RICTOR: variants seen among roughly 807,000 people sequenced by gnomAD.
RICTOR encodes rapamycin-insensitive companion of mTOR.
Under a neutral mutation model 214.9 loss-of-function variants are expected in RICTOR, and 49 were observed. The observed-to-expected ratio is 0.23, with a 90% CI of 0.18 to 0.29. The LOEUF is 0.29. Ranked by LOEUF, RICTOR falls within the 10% of genes least tolerant of loss-of-function variation. RICTOR has a pLI of 1.00. For missense variants in RICTOR, 1,625 were observed against 2,047.0 expected (o/e 0.79, Z 3.98); for synonymous variants, 717 against 711.3 (o/e 1.01, Z -0.13).
In RICTOR at chr5:38,995,893, G is replaced by A. The variant is rs187566461; in HGVS notation, c.456+926C>T. 1.7e-3 allele frequency among the ~76,000 whole-genome samples: 266 copies of A among 152,118 alleles called. 1 individual carries two copies. The highest frequency in any genetic ancestry group is 6.0e-3 in the African/African-American group (251 of 41,512). On this transcript the variant is annotated intron_variant, in intron 6 of 37. Transcript: ENST00000357387. ...TCTATTTCCGGTATCATTCTTAGTC[G>A]AATTTCAAACTTCTTTTAAGGCTTA...
intron 8 of RICTOR, 117 bp downstream of exon 8, chr5:38,981,750 G>A: frequency 3.1e-6 from 2 of 639,740 alleles, no homozygotes; most frequent in Non-Finnish European, 2.6e-6. Flanking sequence ...ATTAGTGTCG[G>A]CTAATTTAGG....
intron 2 of RICTOR, among the ~76,000 whole-genome samples, chr5:39,037,730 A>C (rs957685330): frequency 7.2e-5 from 11 of 152,226 alleles, no homozygotes; most frequent in Non-Finnish European, 1.3e-4. Flanking sequence ...GAAATGGATA[A>C]ATTTCTCGAC....
At chr5:39,015,806 G>A (rs922489478) in intron 3 of RICTOR, among the ~76,000 whole-genome samples, 3 of 151,982 alleles carry the variant, frequency 2.0e-5, no homozygotes, top group African/African-American at 7.3e-5. Flanking sequence ...GTTGAATCAA[G>A]GCACTACCTA....
chr5:38,973,567 T>C (rs1750962117), intron 10 of RICTOR, among the ~76,000 whole-genome samples: 1 of 152,238 alleles, frequency 6.6e-6, no homozygotes, highest in Non-Finnish European at 1.5e-5. Context: ...AAATGTCTTA[T>C]AGGACTCCAA....
intron 20 of RICTOR, 69 bp from the exon 21 acceptor site, chr5:38,960,047 A>G: frequency 9.2e-7 from 1 of 1,088,724 alleles, no homozygotes; most frequent in South Asian, 1.3e-5. Context: ...ATCAACTTCA[A>G]TCAAGTACAA....
chr5:39,016,356 G>C (rs949727762), intron 3 of RICTOR, among the ~76,000 whole-genome samples: 4 of 151,802 alleles, frequency 2.6e-5, no homozygotes, highest in Non-Finnish European at 5.9e-5. Flanking sequence ...ACTGAGAAAA[G>C]AGGGAGGAAG....
At chr5:39,067,782 T>C (rs955354664) in intron 2 of RICTOR, among the ~76,000 whole-genome samples, 1 of 152,226 alleles carries the variant, frequency 6.6e-6, no homozygotes, top group African/African-American at 2.4e-5. Context: ...TTCTCCATTT[T>C]ATGGCACCAT....
In RICTOR at chr5:39,070,655, A is replaced by G. The variant is rs1759255077; in HGVS notation, c.97+3456T>C. 3.9e-5 allele frequency among the ~76,000 whole-genome samples: 6 copies of G among 152,202 alleles called. No individual in the cohort carries two copies. In the South Asian group the frequency reaches 1.2e-3, roughly 31 times the overall value. ...TTAAATAAATTATATTCTAATAATT[A>G]TATTTGAACTAGTGTGTCCATATTC... On this transcript the variant is annotated intron_variant, in intron 2 of 37. Coordinates refer to ENST00000357387, the MANE Select transcript of RICTOR (RefSeq NM_152756.5).
intron 6 of RICTOR, among the ~76,000 whole-genome samples, chr5:38,992,602 T>C (rs1193525742): frequency 1.3e-5 from 2 of 152,234 alleles, no homozygotes; most frequent in Non-Finnish European, 2.9e-5. Context: ...TATAAAATTC[T>C]ATATAAATCT....
intron 7 of RICTOR, among the ~76,000 whole-genome samples, chr5:38,984,402 T>C (rs1359703951): frequency 6.6e-6 from 1 of 152,188 alleles, no homozygotes; most frequent in Non-Finnish European, 1.5e-5. Flanking sequence ...GAAATGGATT[T>C]TTTTTCTTCT....
At chr5:39,010,201 T>C (rs1275885502) in intron 3 of RICTOR, among the ~76,000 whole-genome samples, 1 of 152,180 alleles carries the variant, frequency 6.6e-6, no homozygotes, top group Non-Finnish European at 1.5e-5. Flanking sequence ...GATGGTTTTA[T>C]GAGAGGCTTC....
intron 2 of RICTOR, among the ~76,000 whole-genome samples, chr5:39,040,054 CT>C (rs1757051567): frequency 6.6e-6 from 1 of 152,112 alleles, no homozygotes; most frequent in Admixed American, 6.6e-5. Flanking sequence ...ACAGCAAAGA[CT>C]TGGAACCAAG....
At chr5:39,051,284 ATC>A (rs1359182037) in intron 2 of RICTOR, among the ~76,000 whole-genome samples, 1 of 152,222 alleles carries the variant, frequency 6.6e-6, no homozygotes, top group Non-Finnish European at 1.5e-5. Context: ...TAGAGTTTTC[ATC>A]TAAGCATTTG....
Position 39,030,415 on chromosome 5 carries a change from G to A in RICTOR, c.98-9279C>T, listed in dbSNP as rs771642591. Among the ~76,000 whole-genome samples the A allele has an allele frequency of 2.6e-4, 40 of 151,898 alleles. 1 individual carries two copies. The highest frequency in any genetic ancestry group is 2.3e-3 in the Admixed American group (35 of 15,260). ...CAGAATATATTCCCCAACATCTTAC[G>A]GTCACTTCAAGGATCCCTCAATTCT... On this transcript the variant is annotated intron_variant, in intron 2 of 37. Coordinates refer to ENST00000357387, the MANE Select transcript of RICTOR (RefSeq NM_152756.5).
intron 16 of RICTOR, among the ~76,000 whole-genome samples, chr5:38,963,942 T>C (rs760759976): frequency 6.6e-6 from 1 of 151,922 alleles, no homozygotes; most frequent in Non-Finnish European, 1.5e-5. Context: ...TGTTAAACAG[T>C]ATTTCCAAAG....
intron 2 of RICTOR, among the ~76,000 whole-genome samples, chr5:39,044,558 A>C (rs1221172603): frequency 6.6e-6 from 1 of 152,198 alleles, no homozygotes; most frequent in Admixed American, 6.5e-5. Context: ...TCTACTTCCC[A>C]AACTCTGAGC....
At position 38,945,001 on chromosome 5, in the gene RICTOR, G is replaced by C. The variant is rs779583890; in HGVS notation, c.4701C>G (p.Pro1567=). 2.5e-6 allele frequency: 4 copies of C among 1,612,612 alleles called. No individual in the cohort carries two copies. Among genetic ancestry groups the C allele is most frequent in the Non-Finnish European group, 3.4e-6 (4 of 1,178,696 alleles). ...QTIHNPLEVV[P]SKFSGISGCS... Reference sequence around the variant, plus strand: ...ATCCAGAAATCCCCGAAAACTTAGAGGGAACCACTTCTAAAGGATTATGGA... The same window carrying C: ...ATCCAGAAATCCCCGAAAACTTAGACGGAACCACTTCTAAAGGATTATGGA... Residue 1567 remains proline (P), a synonymous_variant, in exon 35 of 38, where the codon CCC becomes CCG. Transcript: ENST00000357387.
In RICTOR at chr5:39,005,541, A is replaced by G. The variant is rs116204151; in HGVS notation, c.196-1919T>C. Among the ~76,000 whole-genome samples, 1,052 of 152,206 alleles carry G rather than the reference A, an allele frequency of 6.9e-3. 12 individuals are homozygous for G. Among genetic ancestry groups the G allele is most frequent in the Non-Finnish European group, 0.011 (748 of 68,000 alleles). ...TAATGAAATTCTTCATTTCACATCA[A>G]TTTTCTCCATACGTCCTCTATGTTC... is the stretch of plus-strand genomic sequence containing the variant. On this transcript the variant is annotated intron_variant, in intron 3 of 37. Transcript: ENST00000357387.
At chr5:39,002,163 A>C (rs1753677586) in intron 5 of RICTOR, among the ~76,000 whole-genome samples, 2 of 81,502 alleles carry the variant, frequency 2.5e-5, no homozygotes, top group South Asian at 1.0e-3. Flanking sequence ...ATGAAATGTT[A>C]CACAGCAAAA....
Sources: allele counts gnomAD v4.1 joint callset (sites outside exome capture counted in the v4.1 genomes callset), GRCh38; gene constraint gnomAD v4.1.1; transcripts MANE v1.5; gene names NCBI Gene and HGNC (gene_info 2026-07-23, HGNC 2026-07-21).